Variants in SLIT3 observed in about 807,000 individuals in gnomAD.
The protein encoded by SLIT3 is slit guidance ligand 3, also known as slit homolog 3 protein.
Under a neutral mutation model 184.0 loss-of-function variants are expected in SLIT3, and 68 were observed. The ratio of observed to expected loss-of-function variants is 0.37; its 90% CI spans 0.30 to 0.45. SLIT3 has a LOEUF of 0.45. SLIT3 is among the 20% of genes least tolerant of loss of function. SLIT3 has a pLI of 1.00. For missense variants in SLIT3, 1,707 were observed against 2,026.0 expected, an observed-to-expected ratio of 0.84 and a Z score of 3.02; for synonymous variants, 831 against 828.6, an observed-to-expected ratio of 1.00 and a Z score of -0.05.
At chr5:169,133,853 G>T (rs116144851) in intron 4 of SLIT3, among the ~76,000 whole-genome samples, 1 of 152,304 alleles carries the variant, frequency 6.6e-6, no homozygotes, top group African/African-American at 2.4e-5. Context: ...ATAATTAAAC[G>T]TCAGATGTAC....
At chr5:168,805,333 A>G (rs1756917170) in intron 9 of SLIT3, among the ~76,000 whole-genome samples, 2 of 152,000 alleles carry the variant, frequency 1.3e-5, no homozygotes, top group South Asian at 4.1e-4. Context: ...GAAGAGGAGG[A>G]GGAGGAAGAG....
chr5:169,162,317 G>A (rs1762506989), intron 4 of SLIT3, among the ~76,000 whole-genome samples: 1 of 152,196 alleles, frequency 6.6e-6, no homozygotes, highest in African/African-American at 2.4e-5. Flanking sequence ...GTTTTAACAA[G>A]TCCTCCAGGA....
intron 8 of SLIT3, among the ~76,000 whole-genome samples, chr5:168,811,535 AG>A (rs1280877334): frequency 9.2e-5 from 14 of 152,224 alleles, no homozygotes; most frequent in African/African-American, 3.4e-4. Flanking sequence ...TGGAATCTCA[AG>A]AGGTAGGAAG....
intron 1 of SLIT3, among the ~76,000 whole-genome samples, chr5:169,257,801 C>T (rs1180449986): frequency 6.6e-6 from 1 of 152,024 alleles, no homozygotes; most frequent in Non-Finnish European, 1.5e-5. Context: ...GTGATCTGCC[C>T]ACCTTGGCCT....
intron 5 of SLIT3, among the ~76,000 whole-genome samples, chr5:168,860,218 T>C (rs1759051576): frequency 6.6e-6 from 1 of 152,216 alleles, no homozygotes. Flanking sequence ...CTTAAAATCC[T>C]AAGATAGCAT....
intron 3 of SLIT3, among the ~76,000 whole-genome samples, chr5:169,241,034 A>C (rs1054146548): frequency 1.3e-5 from 2 of 152,012 alleles, no homozygotes; most frequent in African/African-American, 4.8e-5. Flanking sequence ...TTTCTATTCT[A>C]TTCTAAGCTT....
chr5:168,774,765 T>C (rs956741758), intron 12 of SLIT3, among the ~76,000 whole-genome samples: 7 of 152,250 alleles, frequency 4.6e-5, no homozygotes, highest in African/African-American at 1.7e-4. Flanking sequence ...TTTAGTTGAC[T>C]GACTACGGGC....
Position 169,051,619 on chromosome 5 carries a change from C to G in SLIT3, c.413+141860G>C, listed in dbSNP as rs1176970392. Among the ~76,000 whole-genome samples the G allele has an allele frequency of 2.0e-5, 3 of 152,274 alleles. No individual in the cohort carries two copies. In the East Asian group the frequency reaches 5.8e-4, roughly 29 times the overall value. ...TTTAAGCCACTTTGGCTACCTAAGA[C>G]CTATTCTGATTTAAACTCACTGATC... On this transcript the variant is annotated intron_variant, in intron 4 of 35. Transcript: ENST00000519560.
At chr5:168,774,524 A>AGG in intron 12 of SLIT3, 146 bp from the exon 13 acceptor site, 1 of 866,242 alleles carries the variant, frequency 1.2e-6, no homozygotes, top group East Asian at 2.5e-5. Context: ...AAAAAGAGAG[A>AGG]GACCTGCCTT....
At chr5:169,277,380 A>G (rs1766845245) in intron 1 of SLIT3, among the ~76,000 whole-genome samples, 1 of 152,192 alleles carries the variant, frequency 6.6e-6, no homozygotes, top group Non-Finnish European at 1.5e-5. Context: ...ACAGGTTTGC[A>G]CCACTATGCC....
At chr5:168,785,032 T>A (rs1359101301) in intron 12 of SLIT3, among the ~76,000 whole-genome samples, 1 of 152,142 alleles carries the variant, frequency 6.6e-6, no homozygotes, top group Non-Finnish European at 1.5e-5. Flanking sequence ...GAGAGTCATG[T>A]ATCTCTCCGA....
chr5:169,300,883 G>C lies in SLIT3; in HGVS notation c.-174C>G, dbSNP rs564294244. 375 of 439,442 alleles carry C rather than the reference G, an allele frequency of 8.5e-4. 1 individual carries two copies. The highest frequency in any genetic ancestry group is 9.5e-4 in the Non-Finnish European group (278 of 291,276). 27.2% of individuals were successfully genotyped at this position (439,442 alleles called of 1,614,324 possible). On this transcript the variant is annotated 5_prime_UTR_variant, in exon 1 of 36. Coordinates refer to ENST00000519560, the MANE Select transcript of SLIT3 (RefSeq NM_003062.4). This position sits in a 1 kb window ranked among gnomAD's most constrained non-coding sequence, Gnocchi z 4.1. Reference sequence around the variant, plus strand: ...GGGCGCGGGCGGAGCGGGGCGCTCCGGGCGGCGGCGGCGGCAGCAACAGCA... The same window carrying C: ...GGGCGCGGGCGGAGCGGGGCGCTCCCGGCGGCGGCGGCGGCAGCAACAGCA...
At chr5:168,746,347 G>GT (rs1264185203) in intron 20 of SLIT3, among the ~76,000 whole-genome samples, 15,055 of 123,770 alleles carry the variant, frequency 0.12, 1,228 homozygotes, top group Admixed American at 0.25. Flanking sequence ...GTGGTGGTGT[G>GT]GGTGTGTGGT....
chr5:169,046,669 G>C (rs903074404), intron 4 of SLIT3, among the ~76,000 whole-genome samples: 22 of 152,296 alleles, frequency 1.4e-4, no homozygotes, highest in African/African-American at 5.1e-4. Context: ...TCCGCAGAAA[G>C]CAACAGTGTC....
At chr5:169,032,495 C>G (rs1272520397) in intron 4 of SLIT3, among the ~76,000 whole-genome samples, 1 of 148,150 alleles carries the variant, frequency 6.7e-6, no homozygotes, top group Non-Finnish European at 1.5e-5. Context: ...GCCTTACTCA[C>G]TTATGTGCCA....
intron 17 of SLIT3, among the ~76,000 whole-genome samples, 195 bp downstream of exon 17, chr5:168,753,669 C>A (rs1754795949): frequency 1.3e-5 from 2 of 152,074 alleles, no homozygotes; most frequent in Non-Finnish European, 1.5e-5. Context: ...AGTGTGCATG[C>A]TGGAGGTGTT....
chr5:168,805,751 G>A (rs576447755), intron 9 of SLIT3, among the ~76,000 whole-genome samples: 1 of 152,260 alleles, frequency 6.6e-6, no homozygotes, highest in South Asian at 2.1e-4. Context: ...ATAATTAAGA[G>A]CTCAGTCCCC....
At chr5:168,698,498 G>A (rs1266282420) in intron 27 of SLIT3, among the ~76,000 whole-genome samples, 1 of 152,110 alleles carries the variant, frequency 6.6e-6, no homozygotes, top group African/African-American at 2.4e-5. Context: ...GCCAGGGAGG[G>A]ACAAGCAAGG....
intron 4 of SLIT3, among the ~76,000 whole-genome samples, chr5:168,897,646 G>GCGCGCGCGCGCGCACACA: frequency 2.8e-5 from 3 of 105,446 alleles, no homozygotes; most frequent in Admixed American, 9.4e-5. Flanking sequence ...ACAGGTGCAC[G>GCGCGCGCGCGCGCACACA]TACACACACA....
Sources: allele counts gnomAD v4.1 joint callset (sites outside exome capture counted in the v4.1 genomes callset), GRCh38; gene constraint gnomAD v4.1.1; non-coding constraint Gnocchi (gnomAD v3.1); transcripts MANE v1.5; gene names NCBI Gene and HGNC (gene_info 2026-07-23, HGNC 2026-07-21).